The following MFHAS1 variants were observed in gnomAD, a reference collection of about 807,000 sequenced individuals.
MFHAS1 encodes malignant fibrous histiocytoma-amplified sequence 1.
Under a neutral mutation model 70.4 loss-of-function variants are expected in MFHAS1, and 50 were observed. The ratio of observed to expected loss-of-function variants is 0.71; its 90% confidence interval spans 0.57 to 0.90. The LOEUF (loss-of-function observed/expected upper bound fraction) is 0.90, where lower values mean the gene tolerates loss of function less well. Among genes scored for constraint, MFHAS1 ranks in the 40% least tolerant of loss-of-function variants. The pLI is 0.00. For missense variants in MFHAS1, 1,795 were observed against 1,347.6 expected (o/e 1.33, Z -5.20); for synonymous variants, 952 against 620.0 (o/e 1.54, Z -7.96).
intron 1 of MFHAS1, among the ~76,000 whole-genome samples, chr8:8,867,120 T>C (rs56288708): frequency 0.027 from 4,103 of 152,228 alleles, 127 homozygotes; most frequent in African/African-American, 0.07. Context: ...TGCATTAATA[T>C]AGATTAAAGG....
At chr8:8,810,179 C>T (rs1256939709) in intron 1 of MFHAS1, among the ~76,000 whole-genome samples, 1 of 152,146 alleles carries the variant, frequency 6.6e-6, no homozygotes, top group African/African-American at 2.4e-5. Context: ...CCAGCCTGGC[C>T]GACATGGTAA....
chr8:8,841,914 A>G (rs554296673), intron 1 of MFHAS1, among the ~76,000 whole-genome samples: 10 of 152,336 alleles, frequency 6.6e-5, no homozygotes, highest in South Asian at 4.1e-4. Flanking sequence ...ATTTAAAGAA[A>G]GAGGGATGTG....
At chr8:8,811,538 A>G (rs1806547496) in intron 1 of MFHAS1, among the ~76,000 whole-genome samples, 1 of 152,150 alleles carries the variant, frequency 6.6e-6, no homozygotes, top group African/African-American at 2.4e-5. Flanking sequence ...TCAGCCTCCT[A>G]AAGTGCTGGG....
chr8:8,786,315 C>G (rs959135590), intron 2 of MFHAS1, among the ~76,000 whole-genome samples: 4 of 152,220 alleles, frequency 2.6e-5, no homozygotes, highest in Non-Finnish European at 5.9e-5. Context: ...ACTGTACTAA[C>G]TGGCTGTCAT....
intron 1 of MFHAS1, among the ~76,000 whole-genome samples, chr8:8,819,407 C>A (rs1216840830): frequency 6.6e-6 from 1 of 151,972 alleles, no homozygotes; most frequent in Non-Finnish European, 1.5e-5. Context: ...AGATCGAGAC[C>A]ATCCTGGCTA....
At chr8:8,882,711 T>C (rs1809575673) in intron 1 of MFHAS1, among the ~76,000 whole-genome samples, 2 of 152,230 alleles carry the variant, frequency 1.3e-5, no homozygotes, top group Non-Finnish European at 2.9e-5. Context: ...GTGCCAGGCA[T>C]TGCACAGCTT....
At chr8:8,866,180 G>C (rs1241782340) in intron 1 of MFHAS1, among the ~76,000 whole-genome samples, 2 of 152,076 alleles carry the variant, frequency 1.3e-5, no homozygotes. Flanking sequence ...TTTACCATTG[G>C]TTCAGTAAAA....
At position 8,891,732 on chromosome 8, in the gene MFHAS1, T is replaced by C. The variant is rs1264484545; in HGVS notation, c.1327A>G (p.Lys443Glu). Residue 443 changes from lysine (K) to glutamate (E), a missense_variant, in exon 1 of 3, where the codon AAG becomes GAG. Transcript: ENST00000276282. This position sits in a 1 kb window ranked among gnomAD's most constrained non-coding sequence, Gnocchi z 5.4. ...RVEGCPGGGD[K>E]EKCYPPSPPP... ...GGTGACGGTGGGTAGCACTTCTCCT[T>C]GTCCCCTCCTCCTGGGCATCCCTCC... 6.2e-7 allele frequency: 1 copy of C among 1,613,250 alleles called. No homozygotes were observed. The highest frequency in any genetic ancestry group is 1.3e-5 in the African/African-American group (1 of 74,900).
chr8:8,793,441 T>G (rs1039445311), intron 2 of MFHAS1, among the ~76,000 whole-genome samples: 5 of 152,170 alleles, frequency 3.3e-5, no homozygotes, highest in African/African-American at 1.2e-4. Context: ...TTGGAATGTC[T>G]TTTTAAAAAC....
intron 2 of MFHAS1, among the ~76,000 whole-genome samples, chr8:8,791,440 T>C (rs775300137): frequency 3.3e-5 from 5 of 152,180 alleles, no homozygotes; most frequent in South Asian, 2.1e-4. Flanking sequence ...AATCAGTAGA[T>C]AAACTGGGTT....
At chr8:8,805,686 G>T (rs1806264107) in intron 1 of MFHAS1, among the ~76,000 whole-genome samples, 1 of 151,964 alleles carries the variant, frequency 6.6e-6, no homozygotes, top group South Asian at 2.1e-4. Context: ...TTGTTTGGAG[G>T]GTTTTTTGTT....
intron 1 of MFHAS1, among the ~76,000 whole-genome samples, chr8:8,884,362 T>C (rs1809668741): frequency 6.6e-6 from 1 of 152,160 alleles, no homozygotes; most frequent in Admixed American, 6.5e-5. Flanking sequence ...TCAATATTAA[T>C]AAAGCTTAAC....
At chr8:8,888,776 T>C (rs887473927) in intron 1 of MFHAS1, among the ~76,000 whole-genome samples, 1 of 152,156 alleles carries the variant, frequency 6.6e-6, no homozygotes, top group African/African-American at 2.4e-5. Flanking sequence ...TAATGGGGGA[T>C]ACAGGTCATT....
chr8:8,850,813 A>G (rs1409843176), intron 1 of MFHAS1, among the ~76,000 whole-genome samples: 1 of 24,560 alleles, frequency 4.1e-5, no homozygotes, highest in East Asian at 6.4e-3. Flanking sequence ...CTCCGTCTCA[A>G]AAAAAAAAAA....
intron 1 of MFHAS1, among the ~76,000 whole-genome samples, chr8:8,843,420 C>CA (rs771551589): frequency 1.3e-5 from 2 of 152,038 alleles, no homozygotes; most frequent in African/African-American, 2.4e-5. Context: ...CCCATCTCTA[C>CA]AAAAAATAAA....
At chr8:8,843,064 G>C (rs1807895714) in intron 1 of MFHAS1, among the ~76,000 whole-genome samples, 1 of 151,672 alleles carries the variant, frequency 6.6e-6, no homozygotes, top group Non-Finnish European at 1.5e-5. Context: ...AGGAGATCGA[G>C]ACCATCCTGG....
At chr8:8,829,296 C>T (rs1807280284) in intron 1 of MFHAS1, among the ~76,000 whole-genome samples, 1 of 152,218 alleles carries the variant, frequency 6.6e-6, no homozygotes, top group South Asian at 2.1e-4. Flanking sequence ...CACCCTTCTC[C>T]GTGCAGCTCA....
chr8:8,837,726 C>A (rs934844605), intron 1 of MFHAS1, among the ~76,000 whole-genome samples: 2 of 150,752 alleles, frequency 1.3e-5, no homozygotes. Context: ...CAATGAGATA[C>A]CACTGCACAC....
chr8:8,874,671 T>C (rs1011534123), intron 1 of MFHAS1, among the ~76,000 whole-genome samples: 7 of 152,258 alleles, frequency 4.6e-5, no homozygotes, highest in East Asian at 1.9e-4. Context: ...AGAATCACTA[T>C]GTGATTCCCG....
Sources: allele counts gnomAD v4.1 joint callset (sites outside exome capture counted in the v4.1 genomes callset), GRCh38; gene constraint gnomAD v4.1.1; non-coding constraint Gnocchi (gnomAD v3.1); transcripts MANE v1.5; gene names NCBI Gene and HGNC (gene_info 2026-07-23, HGNC 2026-07-21).